The following TBC1D22A variants were observed in gnomAD, a reference collection of about 807,000 sequenced individuals.
TBC1D22A encodes putative GTPase activator.
A neutral mutation model predicts 60.2 loss-of-function variants in TBC1D22A; 38 were observed. That is an observed-to-expected ratio of 0.63 (90% CI 0.49 to 0.83). The LOEUF is 0.83. Ranked by LOEUF, TBC1D22A falls within the 40% of genes least tolerant of loss-of-function variation. TBC1D22A has a pLI of 0.00. For synonymous variants in TBC1D22A, 302 were observed against 281.7 expected, an observed-to-expected ratio of 1.07 and a Z score of -0.72; for missense variants, 628 against 701.0, an observed-to-expected ratio of 0.90 and a Z score of 1.18.
chr22:47,087,035 C>T (rs981257037), intron 11 of TBC1D22A, among the ~76,000 whole-genome samples: 5 of 152,212 alleles, frequency 3.3e-5, no homozygotes, highest in Admixed American at 6.5e-5. Flanking sequence ...GTGGGTGCTC[C>T]GTCTGCAGCT....
At chr22:47,032,915 C>T (rs2062529315) in intron 10 of TBC1D22A, among the ~76,000 whole-genome samples, 1 of 152,208 alleles carries the variant, frequency 6.6e-6, no homozygotes, top group East Asian at 1.9e-4. Flanking sequence ...CACTGCCGTC[C>T]CAGGCTGCCC....
chr22:47,171,750 T>TG (rs578197095), intron 12 of TBC1D22A, among the ~76,000 whole-genome samples: 2,405 of 152,120 alleles, frequency 0.016, 69 homozygotes, highest in African/African-American at 0.055. Flanking sequence ...GCGGTGGTCG[T>TG]GGGGGGTCCC....
intron 7 of TBC1D22A, among the ~76,000 whole-genome samples, chr22:46,910,263 C>T (rs2069817847): frequency 6.6e-6 from 1 of 152,102 alleles, no homozygotes; most frequent in Non-Finnish European, 1.5e-5. Context: ...GGGGCCTGGA[C>T]TTTAGGGCTG....
At chr22:47,137,534 G>C (rs2066920136) in intron 12 of TBC1D22A, among the ~76,000 whole-genome samples, 1 of 152,168 alleles carries the variant, frequency 6.6e-6, no homozygotes, top group South Asian at 2.1e-4. Flanking sequence ...GACTGCAGGG[G>C]TGCTGGATAC....
chr22:46,938,567 A>G (rs1266641343), intron 8 of TBC1D22A, among the ~76,000 whole-genome samples: 1 of 149,930 alleles, frequency 6.7e-6, no homozygotes, highest in Non-Finnish European at 1.5e-5. Context: ...TTATTTTATC[A>G]TTATTAATCA....
intron 1 of TBC1D22A, among the ~76,000 whole-genome samples, chr22:46,773,609 C>T (rs1001011970): frequency 2.0e-5 from 3 of 152,192 alleles, no homozygotes; most frequent in African/African-American, 7.2e-5. Flanking sequence ...GGGCTACAGG[C>T]TCATGCCGCC....
At chr22:47,033,306 A>C (rs1483359529) in intron 10 of TBC1D22A, among the ~76,000 whole-genome samples, 1 of 152,240 alleles carries the variant, frequency 6.6e-6, no homozygotes, top group Admixed American at 6.5e-5. Context: ...TGATTCTGTA[A>C]GTTCTTTGAA....
chr22:46,940,495 C>T (rs1019780938), intron 8 of TBC1D22A, among the ~76,000 whole-genome samples: 2 of 146,418 alleles, frequency 1.4e-5, no homozygotes, highest in Non-Finnish European at 1.5e-5. Flanking sequence ...TATACACACA[C>T]ACAGTCTACC....
chr22:46,930,179 G>C (rs1027048344), intron 8 of TBC1D22A, among the ~76,000 whole-genome samples: 1 of 152,134 alleles, frequency 6.6e-6, no homozygotes, highest in South Asian at 2.1e-4. Flanking sequence ...CCTTCTCACT[G>C]TCTCCCCCAT....
At chr22:46,904,138 T>TCTGCCTACCTACCTAC (rs1481229542) in intron 7 of TBC1D22A, among the ~76,000 whole-genome samples, 667 of 55,316 alleles carry the variant, frequency 0.012, 12 homozygotes, top group African/African-American at 0.042. Flanking sequence ...TATCTATCTA[T>TCTGCCTACCTACCTAC]CTATCTACCT....
intron 8 of TBC1D22A, among the ~76,000 whole-genome samples, chr22:46,957,768 G>A (rs1418008627): frequency 6.6e-6 from 1 of 152,266 alleles, no homozygotes; most frequent in Non-Finnish European, 1.5e-5. Context: ...CTGTGCCTGG[G>A]CTGCTTATGT....
chr22:46,946,996 G>T (rs1460400855), intron 8 of TBC1D22A, among the ~76,000 whole-genome samples: 1 of 152,150 alleles, frequency 6.6e-6, no homozygotes. Flanking sequence ...ATATTGAGCC[G>T]TGGCCTTCTC....
intron 12 of TBC1D22A, among the ~76,000 whole-genome samples, chr22:47,148,155 A>T (rs1454156511): frequency 6.6e-6 from 1 of 152,188 alleles, no homozygotes; most frequent in African/African-American, 2.4e-5. Context: ...TTAAAAAACC[A>T]GCCCCGAGAG....
At chr22:46,997,513 T>G (rs2075160466) in intron 9 of TBC1D22A, 121 bp from the exon 10 acceptor site, 1 of 731,668 alleles carries the variant, frequency 1.4e-6, no homozygotes, top group Non-Finnish European at 2.3e-6. Flanking sequence ...CGAGATAAAA[T>G]CTCTGTTTGT....
At chr22:46,892,165 C>G (rs995658612) in intron 6 of TBC1D22A, among the ~76,000 whole-genome samples, 7 of 152,114 alleles carry the variant, frequency 4.6e-5, no homozygotes, top group African/African-American at 1.7e-4. Flanking sequence ...CTGAAACCAG[C>G]TTCTGGGTTT....
chr22:47,162,683 GT>G (rs1569479276), intron 12 of TBC1D22A, among the ~76,000 whole-genome samples: 1 of 33,698 alleles, frequency 3.0e-5, no homozygotes. Flanking sequence ...AGGGAGAGTC[GT>G]GGGAATGGGA....
chr22:47,001,936 G>T (rs1161662391), intron 10 of TBC1D22A, among the ~76,000 whole-genome samples: 1 of 152,114 alleles, frequency 6.6e-6, no homozygotes, highest in Admixed American at 6.5e-5. Context: ...GTATTATCCT[G>T]CCTTGTGTTA....
intron 4 of TBC1D22A, among the ~76,000 whole-genome samples, chr22:46,832,266 C>T (rs1388612324): frequency 6.6e-6 from 1 of 152,216 alleles, no homozygotes; most frequent in African/African-American, 2.4e-5. Context: ...GGGGAAGTCA[C>T]GTTGTCTCTC....
chr22:47,075,343 T>C (rs534365544), intron 11 of TBC1D22A, among the ~76,000 whole-genome samples: 13 of 152,128 alleles, frequency 8.5e-5, no homozygotes, highest in Middle Eastern at 6.8e-3. Context: ...CAATATCATA[T>C]ATCACATGAT....
Sources: gnomAD v4.1 joint callset for allele counts (sites outside exome capture counted in the v4.1 genomes callset) on GRCh38, gnomAD v4.1.1 for gene constraint, MANE v1.5 for transcripts, NCBI Gene and HGNC (gene_info 2026-07-23, HGNC 2026-07-21) for gene names.